The following ERO1B variants were observed in gnomAD, a reference collection of about 807,000 sequenced individuals.
ERO1B encodes endoplasmic reticulum oxidoreductase 1 beta.
ERO1B carries 49 observed loss-of-function variants against 75.3 expected under a neutral mutation model. The observed-to-expected ratio is 0.65, with a 90% CI of 0.52 to 0.83. The LOEUF (loss-of-function observed/expected upper bound fraction) is 0.83, where lower values mean the gene tolerates loss of function less well. Among genes scored for constraint, ERO1B ranks in the 40% least tolerant of loss-of-function variants. The pLI, the probability that ERO1B is intolerant of heterozygous loss-of-function variation, is 0.00. For synonymous variants in ERO1B, 191 were observed against 192.9 expected (o/e 0.99, Z 0.08); for missense variants, 512 against 560.1 (o/e 0.91, Z 0.87).
chr1:236,276,827 T>C (rs1235137093), intron 1 of ERO1B, among the ~76,000 whole-genome samples: 1 of 152,220 alleles, frequency 6.6e-6, no homozygotes, highest in Non-Finnish European at 1.5e-5. Context: ...TTATGATATA[T>C]AGTCTGGCTT....
At chr1:236,270,578 C>A (rs1457980894) in intron 1 of ERO1B, among the ~76,000 whole-genome samples, 3 of 152,078 alleles carry the variant, frequency 2.0e-5, no homozygotes, top group Non-Finnish European at 4.4e-5. Context: ...ATCTTATCCA[C>A]TATTCAAAGA....
At chr1:236,239,316 A>G (rs1664623899) in intron 6 of ERO1B, among the ~76,000 whole-genome samples, 1 of 152,178 alleles carries the variant, frequency 6.6e-6, no homozygotes, top group African/African-American at 2.4e-5. Context: ...GAACACAGCC[A>G]TGTTCATTTG....
intron 10 of ERO1B, among the ~76,000 whole-genome samples, chr1:236,229,733 T>G (rs1269432958): frequency 6.6e-6 from 1 of 152,220 alleles, no homozygotes; most frequent in Non-Finnish European, 1.5e-5. Context: ...AGTACAAGAA[T>G]GCAAAAGCAT....
intron 2 of ERO1B, among the ~76,000 whole-genome samples, chr1:236,257,662 GCTCA>G (rs1221591963): frequency 4.6e-5 from 7 of 151,640 alleles, no homozygotes; most frequent in Admixed American, 2.0e-4. Context: ...TCATAAAGAT[GCTCA>G]CTGAGGTAAG....
chr1:236,279,171 T>C (rs889788626), intron 1 of ERO1B, among the ~76,000 whole-genome samples: 28 of 152,240 alleles, frequency 1.8e-4, no homozygotes, highest in Non-Finnish European at 3.5e-4. Context: ...TTCGGAGAGA[T>C]TGTACGTGTA....
chr1:236,220,813 A>G lies in ERO1B; in HGVS notation c.1343+19T>C. ...ACCCAATGGGAAATCAAAAATCTTC[A>G]ACATATAATGGTTCTTACCTTCCAA... On this transcript the variant is annotated intron_variant, in intron 15 of 15. Coordinates refer to ENST00000354619, the MANE Select transcript of ERO1B (RefSeq NM_019891.4). 1 of 1,534,534 alleles carries G rather than the reference A, an allele frequency of 6.5e-7. No homozygotes were observed. The highest frequency in any genetic ancestry group is 8.7e-7 in the Non-Finnish European group (1 of 1,146,862).
At chr1:236,241,045 C>T (rs1364102775) in intron 6 of ERO1B, among the ~76,000 whole-genome samples, 1 of 151,890 alleles carries the variant, frequency 6.6e-6, no homozygotes, top group Non-Finnish European at 1.5e-5. Flanking sequence ...TATTAAATTA[C>T]TAAATTATTT....
At chr1:236,238,701 TG>T (rs1444200932) in intron 6 of ERO1B, among the ~76,000 whole-genome samples, 1 of 151,716 alleles carries the variant, frequency 6.6e-6, no homozygotes, top group African/African-American at 2.4e-5. Context: ...CATTAATTTA[TG>T]TTCTCTGACA....
intron 1 of ERO1B, among the ~76,000 whole-genome samples, chr1:236,276,784 A>G (rs1035263208): frequency 6.6e-6 from 1 of 152,226 alleles, no homozygotes; most frequent in Non-Finnish European, 1.5e-5. Flanking sequence ...GGATGAAAAG[A>G]TAACTTTAAA....
rs1665557385 is a variant in ERO1B at position 236,270,011 on chromosome 1, T to C, written c.103-17A>G. 1 of 1,531,074 alleles carries C rather than the reference T, an allele frequency of 6.5e-7. No homozygotes were observed. The highest frequency in any genetic ancestry group is 8.9e-7 in the Non-Finnish European group (1 of 1,123,352). 94.8% of individuals were successfully genotyped at this position (1,531,074 alleles called of 1,614,324 possible). ...TCCAGTGACCTAGAATTTATATAAT[T>C]TAAAATATGTAAACTACTGATGTTT... On this transcript the variant is annotated splice_polypyrimidine_tract_variant and intron_variant, in intron 1 of 15. Coordinates refer to ENST00000354619, the MANE Select transcript of ERO1B (RefSeq NM_019891.4).
Position 236,249,982 on chromosome 1 carries a change from G to GTT in ERO1B, c.349-16_349-15insAA. The GTT allele has an allele frequency of 1.3e-6, 2 of 1,542,890 alleles. No individual in the cohort carries two copies. Among genetic ancestry groups the GTT allele is most frequent in the Non-Finnish European group, 1.8e-6 (2 of 1,136,642 alleles). ...ATTTTCAAGTACTGCAAAGAAGTTC[G>GTT]TAAGTTTAGTAAAAATTATTACCTT... On this transcript the variant is annotated splice_polypyrimidine_tract_variant and intron_variant, in intron 4 of 15. Transcript: ENST00000354619.
chr1:236,242,244 T>C (rs1285935563), intron 6 of ERO1B, among the ~76,000 whole-genome samples: 1 of 152,178 alleles, frequency 6.6e-6, no homozygotes. Context: ...ATAAGCACTA[T>C]TATTTATACT....
intron 2 of ERO1B, among the ~76,000 whole-genome samples, chr1:236,260,769 T>C (rs528937771): frequency 2.6e-4 from 40 of 151,422 alleles, no homozygotes; most frequent in Admixed American, 9.9e-4. Context: ...TTCAAAAAAA[T>C]TGAAGAGAAG....
At chr1:236,262,188 A>G (rs1049503990) in intron 2 of ERO1B, among the ~76,000 whole-genome samples, 10 of 152,230 alleles carry the variant, frequency 6.6e-5, no homozygotes, top group African/African-American at 2.2e-4. Context: ...AAGACTCCCA[A>G]GTATGTATGG....
At chr1:236,222,659 CAATA>C (rs1664183153) in intron 13 of ERO1B, among the ~76,000 whole-genome samples, 1 of 151,988 alleles carries the variant, frequency 6.6e-6, no homozygotes, top group Non-Finnish European at 1.5e-5. Context: ...ATACAACCAA[CAATA>C]AATATGTCTA....
intron 1 of ERO1B, among the ~76,000 whole-genome samples, chr1:236,273,632 C>G (rs1255777879): frequency 6.6e-6 from 1 of 151,870 alleles, no homozygotes; most frequent in Admixed American, 6.6e-5. Context: ...CATGGCAAAA[C>G]CCTGTCTCTA....
intron 2 of ERO1B, among the ~76,000 whole-genome samples, chr1:236,257,276 C>A (rs1462587813): frequency 1.3e-5 from 2 of 152,192 alleles, no homozygotes; most frequent in Non-Finnish European, 2.9e-5. Flanking sequence ...GAAGGTAGTT[C>A]TTTTATATAA....
rs755648848 is a variant in ERO1B, at chr1:236,281,686, G to A, written c.98C>T (p.Ala33Val). ...CCCGCTATCACTCGGGCTTACCTGC[G>A]CCTCGACGACGCTCCGCAGGAAGCT... The part of the protein sequence containing the change: ...TLSFLRSVVE[A>V]QVTGVLDDCL... The change falls in exon 1 of 16, where the codon GCG becomes GTG. Residue 33 changes from alanine (A) to valine (V), a missense_variant. Ala to Val is a moderately conservative substitution (Grantham distance 64). Transcript: ENST00000354619. The A allele has an allele frequency of 6.8e-6, 10 of 1,476,200 alleles. No homozygotes were observed. The highest frequency in any genetic ancestry group is 9.0e-6 in the Non-Finnish European group (10 of 1,111,662). The allele number at this position is 1,476,200 out of a possible 1,614,324, so 91.4% of individuals were successfully genotyped here.
At chr1:236,243,308 A>G (rs1664758970) in intron 6 of ERO1B, 114 bp downstream of exon 6, 1 of 692,602 alleles carries the variant, frequency 1.4e-6, no homozygotes, top group African/African-American at 1.8e-5. Context: ...AATAAGGTCT[A>G]CATAGCAAAA....
Sources: gnomAD v4.1 joint callset for allele counts (sites outside exome capture counted in the v4.1 genomes callset) on GRCh38, gnomAD v4.1.1 for gene constraint, MANE v1.5 for transcripts, NCBI Gene and HGNC (gene_info 2026-07-23, HGNC 2026-07-21) for gene names.